B3GALT1: variants seen among roughly 807,000 people sequenced by gnomAD.
B3GALT1 encodes UDP-Gal:betaGlcNAc beta 1,3-galactosyltransferase, polypeptide 1.
Under a neutral mutation model 23.2 loss-of-function variants are expected in B3GALT1, and 10 were observed. The ratio of observed to expected loss-of-function variants is 0.43; its 90% CI spans 0.27 to 0.73. B3GALT1 has a LOEUF of 0.73. Ranked by LOEUF, B3GALT1 falls within the 30% of genes least tolerant of loss-of-function variation. B3GALT1 has a pLI of 0.21. For missense variants in B3GALT1, 299 were observed against 405.4 expected (o/e 0.74, Z 2.25); for synonymous variants, 156 against 141.5 (o/e 1.10, Z -0.73).
chr2:167,489,481 A>G (rs1699674144), intron 1 of B3GALT1, among the ~76,000 whole-genome samples: 1 of 152,154 alleles, frequency 6.6e-6, no homozygotes, highest in Non-Finnish European at 1.5e-5. Context: ...CCTGTAGAAA[A>G]TGGCTTCATT....
intron 1 of B3GALT1, among the ~76,000 whole-genome samples, chr2:167,415,165 G>C (rs1445432860): frequency 6.6e-6 from 1 of 152,172 alleles, no homozygotes; most frequent in Non-Finnish European, 1.5e-5. Context: ...ACTGACAAGT[G>C]GGGCCTTGAA....
At chr2:167,715,870 C>G (rs1382065317) in intron 3 of B3GALT1, 15 of 1,613,770 alleles carry the variant, frequency 9.3e-6, no homozygotes, top group Non-Finnish European at 1.3e-5. Flanking sequence ...CGACTCCTAA[C>G]CGATCTAAAA....
intron 1 of B3GALT1, among the ~76,000 whole-genome samples, chr2:167,325,483 T>G (rs747723747): frequency 6.6e-5 from 10 of 151,786 alleles, no homozygotes; most frequent in Non-Finnish European, 1.3e-4. Flanking sequence ...TCACAATAAC[T>G]TACTCTCACC....
chr2:167,579,632 G>A (rs1684449216), intron 2 of B3GALT1, among the ~76,000 whole-genome samples: 1 of 151,910 alleles, frequency 6.6e-6, no homozygotes, highest in Admixed American at 6.6e-5. Flanking sequence ...CTACTCTAAA[G>A]AGCCATTTGA....
chr2:167,431,961 A>C (rs1270630457), intron 1 of B3GALT1, among the ~76,000 whole-genome samples: 1 of 152,206 alleles, frequency 6.6e-6, no homozygotes, highest in Non-Finnish European at 1.5e-5. Context: ...TACTTGAATA[A>C]GTGGAGCTGG....
At position 167,592,691 on chromosome 2, in the gene B3GALT1, C is replaced by G. The variant is rs188294291; in HGVS notation, c.-409-54218C>G. On this transcript the variant is annotated intron_variant, in intron 2 of 4. Transcript: ENST00000392690. ...GCTCTTTGTTCTTCAGTCCTCCAGT[C>G]ATCAGTTTAATGGTTTCTATCTTGG... Among the ~76,000 whole-genome samples the G allele has an allele frequency of 2.8e-3, 424 of 152,254 alleles. 1 individual carries two copies. The highest frequency in any genetic ancestry group is 9.9e-3 in the African/African-American group (413 of 41,542).
chr2:167,598,267 TGA>T (rs894269897), intron 2 of B3GALT1, among the ~76,000 whole-genome samples: 4 of 152,056 alleles, frequency 2.6e-5, no homozygotes, highest in Admixed American at 6.6e-5. Context: ...TGTGTGTGTG[TGA>T]GAGAGTGACA....
intron 1 of B3GALT1, among the ~76,000 whole-genome samples, chr2:167,342,848 A>T (rs1243423328): frequency 2.6e-5 from 4 of 152,142 alleles, no homozygotes. Flanking sequence ...AGTGTGTTAC[A>T]TCTGTGTTTA....
intron 1 of B3GALT1, among the ~76,000 whole-genome samples, chr2:167,401,249 T>C (rs921867021): frequency 6.6e-6 from 1 of 152,136 alleles, no homozygotes; most frequent in East Asian, 1.9e-4. Flanking sequence ...TAACCTTCCG[T>C]CTTTCCTTGT....
At chr2:167,480,413 A>G (rs1202566094) in intron 1 of B3GALT1, among the ~76,000 whole-genome samples, 1 of 152,090 alleles carries the variant, frequency 6.6e-6, no homozygotes, top group African/African-American at 2.4e-5. Flanking sequence ...GCCATGCTCA[A>G]TTTCTCCCAC....
Position 167,389,184 on chromosome 2 carries a change from G to A in B3GALT1, c.-511+95850G>A, listed in dbSNP as rs114744040. Among the ~76,000 whole-genome samples the A allele has an allele frequency of 7.3e-4, 111 of 152,218 alleles. 1 individual carries two copies. The highest frequency in any genetic ancestry group is 2.5e-3 in the African/African-American group (105 of 41,542). ...GCACATGAATATTTTTGATGGTGAA[G>A]CCAAGGCTTAGATTATTTTTTCCCA... On this transcript the variant is annotated intron_variant, in intron 1 of 4. Coordinates refer to ENST00000392690, the MANE Select transcript of B3GALT1 (RefSeq NM_020981.4).
In B3GALT1 at chr2:167,528,652, C is replaced by G. The variant is rs73024101; in HGVS notation, c.-410+38375C>G. On this transcript the variant is annotated intron_variant, in intron 2 of 4. Transcript: ENST00000392690. ...AAATGTACTTAATGAAATACTCTTACAGGAAATAGAACTACATGCTCTATA... is the reference window on the plus strand; with the variant it reads ...AAATGTACTTAATGAAATACTCTTAGAGGAAATAGAACTACATGCTCTATA... 3.7e-3 allele frequency among the ~76,000 whole-genome samples: 561 copies of G among 152,274 alleles called. 3 individuals are homozygous for G. Among genetic ancestry groups the G allele is most frequent in the African/African-American group, 0.013 (545 of 41,556 alleles).
chr2:167,644,322 T>C (rs769353385), intron 2 of B3GALT1, among the ~76,000 whole-genome samples: 1 of 152,036 alleles, frequency 6.6e-6, no homozygotes, highest in Admixed American at 6.5e-5. Context: ...CAAAAAAACC[T>C]CATTATATCT....
rs550560250 is a variant in B3GALT1 at position 167,627,419 on chromosome 2, T to C, written c.-409-19490T>C. On this transcript the variant is annotated intron_variant, in intron 2 of 4. Coordinates refer to ENST00000392690, the MANE Select transcript of B3GALT1 (RefSeq NM_020981.4). ...CTGGAATGACATGTAAATTGAATCATGCAATATATAACTTTTTGAGTCTGG... is the reference window on the plus strand; with the variant it reads ...CTGGAATGACATGTAAATTGAATCACGCAATATATAACTTTTTGAGTCTGG... Among the ~76,000 whole-genome samples the C allele has an allele frequency of 3.3e-5, 5 of 151,850 alleles. No individual in the cohort carries two copies. In the East Asian group the frequency reaches 9.7e-4, roughly 30 times the overall value.
At position 167,446,146 on chromosome 2, in the gene B3GALT1, A is replaced by G. The variant is rs1049161102; in HGVS notation, c.-510-44031A>G. ...GAAACTTAGTTTGGCTGGATATGAAATTCTGGGTTGAAAATTCTTTTCTTT... is the reference window on the plus strand; with the variant it reads ...GAAACTTAGTTTGGCTGGATATGAAGTTCTGGGTTGAAAATTCTTTTCTTT... On this transcript the variant is annotated intron_variant, in intron 1 of 4. Coordinates refer to ENST00000392690, the MANE Select transcript of B3GALT1 (RefSeq NM_020981.4). 4.6e-5 allele frequency among the ~76,000 whole-genome samples: 7 copies of G among 152,320 alleles called. No homozygotes were observed. The East Asian group carries it at 1.4e-3, about 29-fold the overall frequency.
intron 4 of B3GALT1, among the ~76,000 whole-genome samples, chr2:167,827,699 A>C (rs1264457516): frequency 1.3e-5 from 2 of 152,140 alleles, no homozygotes; most frequent in Non-Finnish European, 2.9e-5. Flanking sequence ...AGTCCTTCGC[A>C]AGCTGTGCTT....
At chr2:167,354,410 G>A (rs1248673068) in intron 1 of B3GALT1, among the ~76,000 whole-genome samples, 3 of 146,242 alleles carry the variant, frequency 2.1e-5, no homozygotes, top group Non-Finnish European at 3.0e-5. Flanking sequence ...GCAGTGGTGC[G>A]ATCTCGGCTC....
At chr2:167,579,564 A>T (rs138652467) in intron 2 of B3GALT1, among the ~76,000 whole-genome samples, 2 of 151,756 alleles carry the variant, frequency 1.3e-5, no homozygotes, top group East Asian at 3.9e-4. Context: ...CTGACACTCA[A>T]TGAGGCCTGA....
intron 3 of B3GALT1, among the ~76,000 whole-genome samples, chr2:167,703,202 G>A (rs556528042): frequency 2.2e-4 from 34 of 152,300 alleles, no homozygotes; most frequent in Middle Eastern, 3.4e-3. Context: ...ACACTTTGCA[G>A]GAGGAAACAA....
Sources: gnomAD v4.1 joint callset for allele counts (sites outside exome capture counted in the v4.1 genomes callset) on GRCh38, gnomAD v4.1.1 for gene constraint, MANE v1.5 for transcripts, NCBI Gene and HGNC (gene_info 2026-07-23, HGNC 2026-07-21) for gene names.